Variants in GABRG3 observed in about 807,000 individuals in gnomAD.
GABRG3 encodes the protein gamma-aminobutyric acid type A receptor subunit gamma3.
A neutral mutation model predicts 48.8 loss-of-function variants in GABRG3; 25 were observed. The ratio of observed to expected loss-of-function variants is 0.51; its 90% CI spans 0.37 to 0.72. GABRG3 has a LOEUF of 0.72. Ranked by LOEUF, GABRG3 falls within the 30% of genes least tolerant of loss-of-function variation. GABRG3 has a pLI of 0.00. For synonymous variants in GABRG3, 227 were observed against 217.6 expected (o/e 1.04, Z -0.38); for missense variants, 394 against 577.9 (o/e 0.68, Z 3.26).
At chr15:27,156,009 T>G (rs1208816987) in intron 3 of GABRG3, among the ~76,000 whole-genome samples, 2 of 152,006 alleles carry the variant, frequency 1.3e-5, no homozygotes, top group Admixed American at 6.6e-5. Flanking sequence ...TTTAAAAGTA[T>G]TCTGTCGTGG....
chr15:27,415,822 G>T (rs1411628523), intron 5 of GABRG3, among the ~76,000 whole-genome samples: 1 of 152,072 alleles, frequency 6.6e-6, no homozygotes, highest in East Asian at 1.9e-4. Context: ...GCAAGAAAGA[G>T]CCTTTCCTTT....
At chr15:27,391,085 C>G (rs748362155) in intron 5 of GABRG3, among the ~76,000 whole-genome samples, 1 of 149,226 alleles carries the variant, frequency 6.7e-6, no homozygotes, top group Admixed American at 6.6e-5. Context: ...GAGACTCCAT[C>G]TCAAAAAAAA....
intron 3 of GABRG3, among the ~76,000 whole-genome samples, chr15:27,110,582 A>G (rs1371085480): frequency 1.4e-5 from 2 of 147,620 alleles, no homozygotes; most frequent in Non-Finnish European, 1.5e-5. Context: ...AATTCCCTCA[A>G]TTTTTTTTTT....
At position 27,053,781 on chromosome 15, in the gene GABRG3, C is replaced by T. The variant is rs1042833767; in HGVS notation, c.270+26960C>T. ...TGTGTAAATATACACCGTGAAATAC[C>T]GCGCAGCCATTAAGAAAGAATGAAG... On this transcript the variant is annotated intron_variant, in intron 3 of 9. Coordinates refer to ENST00000615808, the MANE Select transcript of GABRG3 (RefSeq NM_033223.5). Among the ~76,000 whole-genome samples the T allele has an allele frequency of 2.2e-4, 34 of 152,144 alleles. 1 individual carries two copies. Among genetic ancestry groups the T allele is most frequent in the African/African-American group, 5.8e-4 (24 of 41,434 alleles).
At chr15:27,398,229 C>G (rs1887373367) in intron 5 of GABRG3, among the ~76,000 whole-genome samples, 1 of 152,152 alleles carries the variant, frequency 6.6e-6, no homozygotes, top group South Asian at 2.1e-4. Context: ...GCAGGAACAA[C>G]AGTTTCTGGA....
At chr15:27,189,444 G>A (rs1388803157) in intron 3 of GABRG3, among the ~76,000 whole-genome samples, 12 of 152,034 alleles carry the variant, frequency 7.9e-5, no homozygotes, top group Admixed American at 1.3e-4. Context: ...GGTCCTTCAC[G>A]TCCCTTGTAA....
intron 5 of GABRG3, among the ~76,000 whole-genome samples, chr15:27,469,668 C>T (rs557508815): frequency 2.1e-4 from 32 of 152,256 alleles, no homozygotes; most frequent in African/African-American, 7.7e-4. Flanking sequence ...AATAAAAATT[C>T]CTTCTATTTA....
At chr15:27,110,233 A>G (rs186597147) in intron 3 of GABRG3, among the ~76,000 whole-genome samples, 1 of 152,262 alleles carries the variant, frequency 6.6e-6, no homozygotes, top group East Asian at 1.9e-4. Context: ...GCTTAAAATA[A>G]TGTCAAATTA....
At chr15:27,090,842 T>G (rs1164985980) in intron 3 of GABRG3, among the ~76,000 whole-genome samples, 1 of 152,228 alleles carries the variant, frequency 6.6e-6, no homozygotes, top group Non-Finnish European at 1.5e-5. Context: ...TGCAACTGAT[T>G]TTTGTTGAGT....
chr15:27,414,865 A>G (rs570745605), intron 5 of GABRG3, among the ~76,000 whole-genome samples: 39 of 152,286 alleles, frequency 2.6e-4, no homozygotes, highest in African/African-American at 7.5e-4. Flanking sequence ...GTAGGTGTCA[A>G]AGTCTTCAGA....
In GABRG3 at chr15:27,527,628, C is replaced by G. The variant is rs372451105; in HGVS notation, c.1061C>G (p.Ser354Trp). 1 of 1,602,756 alleles carries G rather than the reference C, an allele frequency of 6.2e-7. No homozygotes were observed. The highest frequency in any genetic ancestry group is 8.5e-7 in the Non-Finnish European group (1 of 1,174,124). Residue 354 changes from serine to tryptophan, a missense_variant and splice_region_variant, in exon 8 of 10, where the codon TCG becomes TGG. Ser to Trp is a radical substitution (Grantham distance 177). Around this residue, in one of 3 missense-constraint regions of GABRG3, gnomAD observed 126 missense variants for 155.5 expected, o/e 0.81. Coordinates refer to ENST00000615808, the MANE Select transcript of GABRG3 (RefSeq NM_033223.5). ...CCAACCACCACGAAGAAGACAACATCGGTGAGCTGCAGTAGCAAAGGTTCT... is the reference window on the plus strand; with the variant it reads ...CCAACCACCACGAAGAAGACAACATGGGTGAGCTGCAGTAGCAAAGGTTCT... ...RKPTTTKKTT[S>W]LLHPDSSRWI...
At chr15:27,107,330 A>G (rs371468207) in intron 3 of GABRG3, among the ~76,000 whole-genome samples, 1 of 151,902 alleles carries the variant, frequency 6.6e-6, no homozygotes, top group African/African-American at 2.4e-5. Context: ...GGTTTTTCTT[A>G]TTTGACTTAC....
chr15:27,327,418 A>G (rs541571306), intron 4 of GABRG3, among the ~76,000 whole-genome samples: 4 of 152,244 alleles, frequency 2.6e-5, no homozygotes, highest in South Asian at 2.1e-4. Flanking sequence ...GCACATCCCT[A>G]AGGGAAGTGG....
chr15:27,043,870 T>A (rs928794278), intron 3 of GABRG3, among the ~76,000 whole-genome samples: 1 of 152,166 alleles, frequency 6.6e-6, no homozygotes. Flanking sequence ...CCTGCAGTCC[T>A]CCCGAGGCTG....
intron 6 of GABRG3, chr15:27,480,999 G>T: frequency 7.3e-7 from 1 of 1,372,938 alleles, no homozygotes; most frequent in Admixed American, 3.0e-5. Context: ...TTGAATCCAG[G>T]CTGTGTTTGC....
intron 3 of GABRG3, among the ~76,000 whole-genome samples, chr15:27,116,523 T>C (rs1222874144): frequency 6.6e-6 from 1 of 152,176 alleles, no homozygotes. Context: ...ATACTAGTAC[T>C]ACCACTTCTA....
intron 5 of GABRG3, among the ~76,000 whole-genome samples, chr15:27,444,634 A>T (rs1472226539): frequency 1.3e-5 from 2 of 152,142 alleles, no homozygotes; most frequent in South Asian, 4.1e-4. Context: ...TAATATATCT[A>T]ATATGTTTGG....
intron 3 of GABRG3, among the ~76,000 whole-genome samples, chr15:27,127,560 G>A (rs747525369): frequency 6.6e-5 from 10 of 152,002 alleles, no homozygotes; most frequent in Non-Finnish European, 1.3e-4. Context: ...AGCTTCTTCT[G>A]TGAATTCTAA....
At chr15:27,048,394 T>C (rs1214426953) in intron 3 of GABRG3, among the ~76,000 whole-genome samples, 1 of 151,944 alleles carries the variant, frequency 6.6e-6, no homozygotes, top group Non-Finnish European at 1.5e-5. Context: ...TATGGATGTG[T>C]TCGGAAACAG....
Sources: gnomAD v4.1 joint callset for allele counts (sites outside exome capture counted in the v4.1 genomes callset) on GRCh38, gnomAD v4.1.1 for gene constraint, gnomAD v4.1.1 regional missense constraint, MANE v1.5 for transcripts, NCBI Gene and HGNC (gene_info 2026-07-23, HGNC 2026-07-21) for gene names.